Variants in DMD observed in about 807,000 individuals in gnomAD.
The protein encoded by DMD is dystrophin, also known as mutant dystrophin.
In DMD, 63 loss-of-function variants were observed where a neutral mutation model predicts 330.1. The ratio of observed to expected loss-of-function variants is 0.19; its 90% CI spans 0.16 to 0.24. The LOEUF is 0.24. Among genes scored for constraint, DMD ranks in the 10% least tolerant of loss-of-function variants. The pLI is 1.00. For synonymous variants in DMD, 1,223 were observed against 959.8 expected (o/e 1.27, Z -5.07); for missense variants, 3,344 against 2,684.1 (o/e 1.25, Z -5.43).
At chrX:31,442,636 G>A (rs1602915172) in intron 60 of DMD, among the ~76,000 whole-genome samples, 1 of 111,075 alleles carries the variant, frequency 9.0e-6, no homozygotes, top group East Asian at 2.8e-4. Flanking sequence ...ACCACGTTCT[G>A]AAAGCAAACG....
chrX:31,358,953 A>G (rs1313567785), intron 60 of DMD, among the ~76,000 whole-genome samples: 1 of 112,021 alleles, frequency 8.9e-6, no homozygotes, highest in Non-Finnish European at 1.9e-5. Flanking sequence ...TGATTAGTAA[A>G]TAACCCTAGG....
chrX:32,486,429 T>C (rs866178723), intron 20 of DMD, among the ~76,000 whole-genome samples: 1 of 111,707 alleles, frequency 9.0e-6, no homozygotes, highest in Non-Finnish European at 1.9e-5. Flanking sequence ...ATTACATATG[T>C]GGCTTGAATT....
intron 1 of DMD, chrX:33,041,377 C>T: frequency 8.5e-7 from 1 of 1,181,386 alleles, no homozygotes. Flanking sequence ...CCCTCCTTCT[C>T]GCGGGGCTCG....
At chrX:33,225,027 A>G (rs931299211) in intron 1 of DMD, among the ~76,000 whole-genome samples, 4 of 111,841 alleles carry the variant, frequency 3.6e-5, no homozygotes, top group Non-Finnish European at 7.5e-5. Flanking sequence ...AAAGCAAAAA[A>G]AAGTTTTAGA....
chrX:32,530,930 T>C (rs1296895967), intron 17 of DMD, among the ~76,000 whole-genome samples: 1 of 111,699 alleles, frequency 9.0e-6, no homozygotes, highest in African/African-American at 3.2e-5. Flanking sequence ...TAAAATCAAA[T>C]GTAAAGTTTA....
Position 31,173,548 on chromosome X carries a change from T to A in DMD, c.10319A>T (p.Tyr3440Phe). 8.3e-7 allele frequency: 1 copy of A among 1,209,924 alleles called. No individual in the cohort carries two copies. Among genetic ancestry groups the A allele is most frequent in the Non-Finnish European group, 1.1e-6 (1 of 893,980 alleles). ...ACAACTAGTCTCATACCTGCTAGCA[T>A]AATGTTCAATGCGTGAATGAGTATC... is the stretch of plus-strand genomic sequence containing the variant. ...HDDTHSRIEH[Y>F]ASRLAEMENS... The change falls in exon 72 of 79, where the codon TAT becomes TTT. Residue 3440 changes from tyrosine to phenylalanine, a missense_variant. Coordinates refer to ENST00000357033, the MANE Select transcript of DMD (RefSeq NM_004006.3).
chrX:32,486,675 A>G (rs1170501950), intron 20 of DMD, among the ~76,000 whole-genome samples: 1 of 106,918 alleles, frequency 9.4e-6, no homozygotes, highest in Non-Finnish European at 1.9e-5. Context: ...GGAACAGAAC[A>G]GAGCCCTCAG....
At chrX:32,517,918 C>G (rs1245100926) in intron 18 of DMD, 90 bp downstream of exon 18, 1 of 966,260 alleles carries the variant, frequency 1.0e-6, no homozygotes, top group East Asian at 3.1e-5. Context: ...TCGCATTAAT[C>G]TATCAACTAG....
intron 12 of DMD, among the ~76,000 whole-genome samples, chrX:32,601,272 T>A (rs1294836847): frequency 8.9e-6 from 1 of 112,208 alleles, no homozygotes; most frequent in Non-Finnish European, 1.9e-5. Context: ...GCTGAATATT[T>A]TAAATAATCT....
intron 2 of DMD, among the ~76,000 whole-genome samples, chrX:32,866,736 G>A: frequency 2.8e-5 from 1 of 35,523 alleles, no homozygotes; most frequent in Admixed American, 2.9e-4. Context: ...GGGGGGGGTG[G>A]GGGGGTGGGG....
chrX:32,642,205 A>C (rs761185814), intron 11 of DMD, among the ~76,000 whole-genome samples: 104 of 111,926 alleles, frequency 9.3e-4, no homozygotes, highest in African/African-American at 3.3e-3. Flanking sequence ...ATTATTTCTG[A>C]ATTTGTGTTG....
intron 7 of DMD, among the ~76,000 whole-genome samples, chrX:32,701,058 A>G (rs2064082684): frequency 8.9e-6 from 1 of 112,153 alleles, no homozygotes; most frequent in Admixed American, 9.5e-5. Context: ...GTGCTTCTCA[A>G]TTCTTAATGT....
At chrX:32,020,345 A>AAAG (rs763494013) in intron 44 of DMD, among the ~76,000 whole-genome samples, 69 of 112,440 alleles carry the variant, frequency 6.1e-4, no homozygotes, top group Non-Finnish European at 1.2e-3. Flanking sequence ...CATTCCCAGT[A>AAAG]AAGTAACATT....
At chrX:31,939,564 G>A (rs1171711544) in intron 45 of DMD, among the ~76,000 whole-genome samples, 2 of 111,299 alleles carry the variant, frequency 1.8e-5, no homozygotes, top group East Asian at 5.6e-4. Flanking sequence ...CAGTTTCCTC[G>A]TCTTAAAATT....
rs1569553596 is a variant in DMD at position 32,252,689 on chromosome X, T to TATATAA, written c.6290+34839_6290+34840insTTATAT. Reference sequence around the variant, plus strand: ...ATATATATATATAAATATATAAATATATATATAAATATATATAAATATATA... The same window carrying TATATAA: ...ATATATATATATAAATATATAAATATATATAAATATATAAATATATATAAATATATA... On this transcript the variant is annotated intron_variant, in intron 43 of 78. Coordinates refer to ENST00000357033, the MANE Select transcript of DMD (RefSeq NM_004006.3). 2.0e-3 allele frequency among the ~76,000 whole-genome samples: 78 copies of TATATAA among 38,778 alleles called. 9 individuals carry two copies. Among genetic ancestry groups the TATATAA allele is most frequent in the East Asian group, 0.01 (17 of 1,668 alleles). The allele number at this position is 38,778 out of a possible 115,157, so 33.7% of individuals were successfully genotyped here.
intron 50 of DMD, among the ~76,000 whole-genome samples, chrX:31,799,977 T>A (rs1278903174): frequency 8.8e-6 from 1 of 113,053 alleles, no homozygotes; most frequent in East Asian, 2.8e-4. Context: ...TGGGCTCCCA[T>A]GGCCTTGGGC....
At chrX:32,513,977 C>G (rs1259926835) in intron 18 of DMD, among the ~76,000 whole-genome samples, 1 of 111,529 alleles carries the variant, frequency 9.0e-6, no homozygotes, top group Non-Finnish European at 1.9e-5. Context: ...GGTTCTAGTT[C>G]TACAGAGGGA....
chrX:33,099,864 G>T (rs1388977963), intron 1 of DMD, among the ~76,000 whole-genome samples: 1 of 111,025 alleles, frequency 9.0e-6, no homozygotes, highest in African/African-American at 3.3e-5. Context: ...AATCGACATA[G>T]TTTACACACC....
chrX:31,655,389 T>C (rs5927791), intron 54 of DMD, among the ~76,000 whole-genome samples: 40,012 of 109,800 alleles, frequency 0.36, 5,783 homozygotes, highest in African/African-American at 0.49. Context: ...AATTGTGCCT[T>C]GAGTCTCACC....
Sources: gnomAD v4.1 joint callset for allele counts (sites outside exome capture counted in the v4.1 genomes callset) on GRCh38, gnomAD v4.1.1 for gene constraint, MANE v1.5 for transcripts, NCBI Gene and HGNC (gene_info 2026-07-23, HGNC 2026-07-21) for gene names.